The following TMEFF1 variants were observed in gnomAD, a reference collection of about 807,000 sequenced individuals.
The protein encoded by TMEFF1 is transmembrane protein with EGF like and two follistatin like domains 1.
Under a neutral mutation model 47.5 loss-of-function variants are expected in TMEFF1, and 20 were observed. The ratio of observed to expected loss-of-function variants is 0.42; its 90% confidence interval spans 0.30 to 0.61. The LOEUF (loss-of-function observed/expected upper bound fraction) is 0.61. Among genes scored for constraint, TMEFF1 ranks in the 20% least tolerant of loss-of-function variants. The pLI, the probability that TMEFF1 is intolerant of heterozygous loss-of-function variation, is 0.19. For synonymous variants in TMEFF1, 162 were observed against 166.3 expected (o/e 0.97, Z 0.20); for missense variants, 411 against 471.1 (o/e 0.87, Z 1.18).
chr9:100,510,155 C>T (rs1369048070), intron 3 of TMEFF1, among the ~76,000 whole-genome samples: 1 of 152,192 alleles, frequency 6.6e-6, no homozygotes, highest in Non-Finnish European at 1.5e-5. Context: ...AGGGGACAGT[C>T]TCCAAGGCTG....
At chr9:100,486,243 T>C (rs1302651253) in intron 1 of TMEFF1, among the ~76,000 whole-genome samples, 3 of 152,204 alleles carry the variant, frequency 2.0e-5, no homozygotes, top group Non-Finnish European at 4.4e-5. Context: ...TATTTCATTT[T>C]TCATCAGAAA....
intron 1 of TMEFF1, among the ~76,000 whole-genome samples, chr9:100,494,491 A>G (rs1223971508): frequency 6.6e-6 from 1 of 152,146 alleles, no homozygotes; most frequent in Non-Finnish European, 1.5e-5. Context: ...GAGGAAATCC[A>G]CAGGCGGTGT....
At chr9:100,546,264 A>C (rs1838730762) in intron 5 of TMEFF1, among the ~76,000 whole-genome samples, 1 of 152,160 alleles carries the variant, frequency 6.6e-6, no homozygotes, top group African/African-American at 2.4e-5. Context: ...GAGGCCTCAC[A>C]ATCATGGTGG....
intron 5 of TMEFF1, among the ~76,000 whole-genome samples, chr9:100,538,989 C>G (rs1215418601): frequency 1.3e-5 from 2 of 152,152 alleles, no homozygotes; most frequent in African/African-American, 4.8e-5. Flanking sequence ...ATCGCAACCT[C>G]CACCTCCCAG....
chr9:100,498,555 C>T (rs1165998484), intron 1 of TMEFF1, among the ~76,000 whole-genome samples: 6 of 152,036 alleles, frequency 3.9e-5, no homozygotes, highest in Admixed American at 1.3e-4. Flanking sequence ...TACTTTTAGG[C>T]TCATTACTAT....
chr9:100,508,913 G>T, intron 2 of TMEFF1, 92 bp from the exon 3 acceptor site: 5 of 1,263,378 alleles, frequency 4.0e-6, no homozygotes, highest in African/African-American at 1.6e-5. Context: ...AGCGAAGTAT[G>T]TCATAATGCT....
chr9:100,530,325 T>C lies in TMEFF1; in HGVS notation c.560+13554T>C, dbSNP rs571896571. Among the ~76,000 whole-genome samples the C allele has an allele frequency of 1.1e-3, 163 of 151,848 alleles. 1 individual carries two copies. Among genetic ancestry groups the C allele is most frequent in the African/African-American group, 3.9e-3 (160 of 41,340 alleles). On this transcript the variant is annotated intron_variant, in intron 5 of 9. Coordinates refer to ENST00000374879, the MANE Select transcript of TMEFF1 (RefSeq NM_003692.5). ...GGTTTTTTGAAAGGATCAACAAAAT[T>C]GATAGACTGCTAGCAAGACTAACAA... is the stretch of plus-strand genomic sequence containing the variant.
intron 5 of TMEFF1, among the ~76,000 whole-genome samples, chr9:100,542,719 A>G (rs1474042546): frequency 3.9e-5 from 6 of 152,044 alleles, no homozygotes; most frequent in Non-Finnish European, 7.4e-5. Flanking sequence ...AAATTCCACT[A>G]TGATATTTCA....
chr9:100,527,019 T>G (rs1028685019), intron 5 of TMEFF1, among the ~76,000 whole-genome samples: 1 of 141,546 alleles, frequency 7.1e-6, no homozygotes, highest in African/African-American at 2.7e-5. Flanking sequence ...GGCACATAAC[T>G]GTAATTCCAG....
intron 5 of TMEFF1, among the ~76,000 whole-genome samples, chr9:100,530,755 A>G (rs924367990): frequency 6.6e-6 from 1 of 152,184 alleles, no homozygotes; most frequent in Non-Finnish European, 1.5e-5. Flanking sequence ...CATCATTCTG[A>G]TACCAAAGCC....
intron 5 of TMEFF1, among the ~76,000 whole-genome samples, chr9:100,527,188 G>A (rs1238328820): frequency 6.6e-6 from 1 of 151,848 alleles, no homozygotes; most frequent in South Asian, 2.1e-4. Context: ...TGGAATGGAT[G>A]TGTTCATGAA....
At chr9:100,512,667 G>A (rs1482217426) in intron 3 of TMEFF1, among the ~76,000 whole-genome samples, 2 of 152,152 alleles carry the variant, frequency 1.3e-5, no homozygotes, top group African/African-American at 4.8e-5. Context: ...ACTTGAGACT[G>A]GCTTCTTTCT....
intron 1 of TMEFF1, among the ~76,000 whole-genome samples, chr9:100,478,564 T>A (rs1837277708): frequency 6.6e-6 from 1 of 152,238 alleles, no homozygotes; most frequent in Non-Finnish European, 1.5e-5. Flanking sequence ...CTTGCCCCAG[T>A]TCTCCACTTA....
intron 1 of TMEFF1, among the ~76,000 whole-genome samples, chr9:100,494,389 A>G (rs10819787): frequency 0.22 from 33,762 of 152,066 alleles, 4,082 homozygotes; most frequent in South Asian, 0.32. Flanking sequence ...GCATGTATCA[A>G]TGGTGTGACC....
intron 2 of TMEFF1, among the ~76,000 whole-genome samples, chr9:100,502,571 A>AGACTGGT (rs1837783582): frequency 6.6e-6 from 1 of 152,132 alleles, no homozygotes; most frequent in Admixed American, 6.5e-5. Context: ...TAGGTTGCCC[A>AGACTGGT]GACTGGTCTT....
Position 100,486,858 on chromosome 9 carries a change from G to A in TMEFF1, c.197-11907G>A, listed in dbSNP as rs933347220. 3.9e-5 allele frequency among the ~76,000 whole-genome samples: 6 copies of A among 152,026 alleles called. No individual in the cohort carries two copies. The East Asian group carries it at 9.6e-4, about 24-fold the overall frequency. ...TCTCTATGTTGCCCAGGCTGGTCTC[G>A]AACTCCTGGGCTCAAGTGATACTCC... On this transcript the variant is annotated intron_variant, in intron 1 of 9. Transcript: ENST00000374879.
In TMEFF1 at chr9:100,527,426, G is replaced by A. The variant is rs541059522; in HGVS notation, c.560+10655G>A. On this transcript the variant is annotated intron_variant, in intron 5 of 9. Coordinates refer to ENST00000374879, the MANE Select transcript of TMEFF1 (RefSeq NM_003692.5). ...AGCAGGGCGAGGCATTGCCTCACTCGGGAAGTGCAAGGGGTGAGGGATTTC... is the reference window on the plus strand; with the variant it reads ...AGCAGGGCGAGGCATTGCCTCACTCAGGAAGTGCAAGGGGTGAGGGATTTC... Among the ~76,000 whole-genome samples the A allele has an allele frequency of 3.9e-5, 6 of 152,224 alleles. No homozygotes were observed. The East Asian group carries it at 5.8e-4, about 15-fold the overall frequency.
At chr9:100,494,833 A>G (rs935506793) in intron 1 of TMEFF1, among the ~76,000 whole-genome samples, 5 of 152,344 alleles carry the variant, frequency 3.3e-5, no homozygotes, top group African/African-American at 1.2e-4. Context: ...TGTGACATTC[A>G]TGACCTGACC....
intron 8 of TMEFF1, among the ~76,000 whole-genome samples, chr9:100,565,542 A>C (rs985677970): frequency 6.6e-6 from 1 of 152,170 alleles, no homozygotes; most frequent in African/African-American, 2.4e-5. Flanking sequence ...CTGCCCTGGC[A>C]GTCATTCTAC....
Sources: gnomAD v4.1 joint callset for allele counts (sites outside exome capture counted in the v4.1 genomes callset) on GRCh38, gnomAD v4.1.1 for gene constraint, MANE v1.5 for transcripts, NCBI Gene and HGNC (gene_info 2026-07-23, HGNC 2026-07-21) for gene names.